PFKFB3: variants seen among roughly 807,000 people sequenced by gnomAD.
PFKFB3 encodes the protein 6-phosphofructo-2-kinase/fructose-2,6-bisphosphatase 3.
A neutral mutation model predicts 68.0 loss-of-function variants in PFKFB3; 33 were observed. That is an observed-to-expected ratio of 0.49 (90% CI 0.37 to 0.65). The LOEUF is 0.65. Ranked by LOEUF, PFKFB3 falls within the 30% of genes least tolerant of loss-of-function variation. PFKFB3 has a pLI of 0.00. For missense variants in PFKFB3, 586 were observed against 712.2 expected (o/e 0.82, Z 2.02); for synonymous variants, 315 against 288.2 (o/e 1.09, Z -0.94).
the PFKFB3 span, among the ~76,000 whole-genome samples, chr10:6,307,545 C>A: frequency 6.6e-6 from 1 of 150,488 alleles, no homozygotes; most frequent in Non-Finnish European, 1.5e-5. Context: ...TTCCTTCCTT[C>A]CTTCCTTCCT....
intron 1 of PFKFB3, among the ~76,000 whole-genome samples, chr10:6,185,247 C>T (rs998424874): frequency 6.6e-6 from 1 of 152,168 alleles, no homozygotes; most frequent in Non-Finnish European, 1.5e-5. Flanking sequence ...GGGTGGATTA[C>T]AGAAAGAACT....
downstream of PFKFB3, among the ~76,000 whole-genome samples, chr10:6,256,975 C>T (rs1846501243): frequency 6.6e-6 from 1 of 152,212 alleles, no homozygotes; most frequent in Admixed American, 6.5e-5. Flanking sequence ...AAAAGAAATA[C>T]TCAACCTACT....
intron 1 of PFKFB3, among the ~76,000 whole-genome samples, chr10:6,210,013 A>G (rs28515908): frequency 0.25 from 27,876 of 110,120 alleles, 4,264 homozygotes; most frequent in Non-Finnish European, 0.36. Flanking sequence ...CGGCCTCCCA[A>G]AGTGCTGGGA....
Position 6,215,411 on chromosome 10 carries a change from G to A in PFKFB3, c.299+94G>A. The A allele has an allele frequency of 1.1e-6, 1 of 905,994 alleles. No individual in the cohort carries two copies. Among genetic ancestry groups the A allele is most frequent in the Admixed American group, 2.0e-5 (1 of 50,720 alleles). The allele number at this position is 905,994 out of a possible 1,614,324, so 56.1% of individuals were successfully genotyped here. On this transcript the variant is annotated intron_variant, in intron 3 of 14. Coordinates refer to ENST00000379775, the MANE Select transcript of PFKFB3 (RefSeq NM_004566.4). This position sits in a 1 kb window ranked among gnomAD's most constrained non-coding sequence, Gnocchi z 4.3. Reference sequence around the variant, plus strand: ...CTGCAGGAGTAAGGCTGGGCCGCGGGCGTAGGGCTGGGCTGTGGGAATAAG... The same window carrying A: ...CTGCAGGAGTAAGGCTGGGCCGCGGACGTAGGGCTGGGCTGTGGGAATAAG...
chr10:6,228,342 GA>G lies in PFKFB3; in HGVS notation c.1515+1979del. The G allele has an allele frequency of 9.5e-7, 1 of 1,057,114 alleles. No individual in the cohort carries two copies. The highest frequency in any genetic ancestry group is 1.5e-6 in the Non-Finnish European group (1 of 683,318). The allele number at this position is 1,057,114 out of a possible 1,614,324, so 65.5% of individuals were successfully genotyped here. On this transcript the variant is annotated intron_variant, in intron 14 of 14. Coordinates refer to ENST00000379775, the MANE Select transcript of PFKFB3 (RefSeq NM_004566.4). The surrounding 1 kb of genome is among the most constrained non-coding windows in gnomAD (Gnocchi z 4.5). ...TTGTGATGTGAGGTCTTCCGTGGGG[GA>G]AGGAGGAGATGGGCGTAGGAGTAGG...
At chr10:6,168,920 G>A (rs758920113) in intron 1 of PFKFB3, among the ~76,000 whole-genome samples, 23 of 152,052 alleles carry the variant, frequency 1.5e-4, no homozygotes, top group South Asian at 2.1e-4. Context: ...TGCCTCTCCC[G>A]TCTGCCCCCC....
At chr10:6,183,613 AAAT>A (rs1158283908) in intron 1 of PFKFB3, among the ~76,000 whole-genome samples, 4,735 of 84,190 alleles carry the variant, frequency 0.056, 54 homozygotes, top group East Asian at 0.22. Context: ...AAAAAAAAAA[AAAT>A]ATATATATAT....
chr10:6,305,306 A>G, the PFKFB3 span, among the ~76,000 whole-genome samples: 67,817 of 127,848 alleles, frequency 0.53, 19,438 homozygotes, highest in Non-Finnish European at 0.66. Context: ...TTACAGGCAT[A>G]AGCCACCATC....
At chr10:6,209,289 C>T (rs2516614) in intron 1 of PFKFB3, among the ~76,000 whole-genome samples, 63,002 of 151,842 alleles carry the variant, frequency 0.41, 13,186 homozygotes, top group East Asian at 0.57. Flanking sequence ...CCCTGTAACC[C>T]GGTGACATCT....
At chr10:6,261,870 C>T in the PFKFB3 span, among the ~76,000 whole-genome samples, 8 of 152,178 alleles carry the variant, frequency 5.3e-5, no homozygotes, top group Admixed American at 1.3e-4. Flanking sequence ...TGGCACACAT[C>T]GGTAGTCCCA....
chr10:6,273,607 G>A, the PFKFB3 span, among the ~76,000 whole-genome samples: 27 of 152,320 alleles, frequency 1.8e-4, no homozygotes, highest in African/African-American at 5.3e-4. Flanking sequence ...AAAACAGCAC[G>A]TTGGAGTCCT....
downstream of PFKFB3, among the ~76,000 whole-genome samples, chr10:6,236,133 C>A (rs1179507096): frequency 1.3e-5 from 2 of 152,162 alleles, no homozygotes; most frequent in African/African-American, 4.8e-5. Context: ...CAGTTCTTGC[C>A]TCATTGGCAC....
chr10:6,164,231 G>GTTCTC (rs1842059293), intron 1 of PFKFB3, among the ~76,000 whole-genome samples: 1 of 151,662 alleles, frequency 6.6e-6, no homozygotes, highest in Non-Finnish European at 1.5e-5. Flanking sequence ...GGCGCCGCCA[G>GTTCTC]TGAGCACCCG....
At chr10:6,150,187 A>G (rs1841529852) in intron 1 of PFKFB3, among the ~76,000 whole-genome samples, 1 of 152,214 alleles carries the variant, frequency 6.6e-6, no homozygotes, top group Non-Finnish European at 1.5e-5. Flanking sequence ...TGCTTTCTGC[A>G]TGGTAACTTG....
At chr10:6,145,453 C>G (rs35335304) in intron 1 of PFKFB3, among the ~76,000 whole-genome samples, 46,534 of 152,016 alleles carry the variant, frequency 0.31, 7,287 homozygotes, top group South Asian at 0.45. Context: ...ATTCCCGCTT[C>G]CCGCTGCGCT....
the PFKFB3 span, among the ~76,000 whole-genome samples, chr10:6,302,435 G>A: frequency 3.2e-5 from 4 of 125,190 alleles, no homozygotes; most frequent in Admixed American, 9.9e-5. Flanking sequence ...AGGCTGGAGT[G>A]CAGTGGTGCA....
chr10:6,225,908 A>G (rs1845316572), intron 13 of PFKFB3, among the ~76,000 whole-genome samples: 1 of 152,040 alleles, frequency 6.6e-6, no homozygotes, highest in East Asian at 1.9e-4. Context: ...TGTGATCATC[A>G]TTCTTTCCCT....
chr10:6,281,439 A>G, the PFKFB3 span, among the ~76,000 whole-genome samples: 4 of 152,000 alleles, frequency 2.6e-5, no homozygotes, highest in Non-Finnish European at 5.9e-5. Flanking sequence ...TTGATTCTGG[A>G]CAACCACATG....
the PFKFB3 span, among the ~76,000 whole-genome samples, chr10:6,319,250 G>C: frequency 6.6e-6 from 1 of 152,150 alleles, no homozygotes; most frequent in Non-Finnish European, 1.5e-5. Flanking sequence ...GCAAAGATAA[G>C]AAATTAAACT....
Sources: gnomAD v4.1 joint callset for allele counts (sites outside exome capture counted in the v4.1 genomes callset) on GRCh38, gnomAD v4.1.1 for gene constraint, Gnocchi (gnomAD v3.1) non-coding constraint, MANE v1.5 for transcripts, NCBI Gene and HGNC (gene_info 2026-07-23, HGNC 2026-07-21) for gene names.